ENTPD5: variants seen among roughly 807,000 people sequenced by gnomAD.
The protein encoded by ENTPD5 is ectonucleoside triphosphate diphosphohydrolase 5 (inactive).
A neutral mutation model predicts 60.2 loss-of-function variants in ENTPD5; 49 were observed. That is an observed-to-expected ratio of 0.81 (90% CI 0.65 to 1.03). ENTPD5 has a LOEUF of 1.03. Among genes scored for constraint, ENTPD5 ranks in the 50% least tolerant of loss-of-function variants. The pLI is 0.00. For missense variants in ENTPD5, 480 were observed against 507.6 expected, an observed-to-expected ratio of 0.95 and a Z score of 0.52; for synonymous variants, 187 against 185.4, an observed-to-expected ratio of 1.01 and a Z score of -0.07.
intron 3 of ENTPD5, among the ~76,000 whole-genome samples, chr14:74,004,851 G>A (rs982117073): frequency 6.6e-6 from 1 of 152,024 alleles, no homozygotes; most frequent in Non-Finnish European, 1.5e-5. Context: ...CAACCCTGAC[G>A]AACTGTAAAA....
At position 73,976,323 on chromosome 14, in the gene ENTPD5, C is replaced by T; in HGVS notation, c.642+1G>A. The T allele has an allele frequency of 6.2e-7, 1 of 1,613,708 alleles. No homozygotes were observed. Among genetic ancestry groups the T allele is most frequent in the Non-Finnish European group, 8.5e-7 (1 of 1,179,612 alleles). On this transcript the variant is annotated splice_donor_variant, in intron 9 of 15. Transcript: ENST00000334696. LOFTEE classifies it high-confidence loss of function. The stretch of plus-strand genomic sequence containing the variant: ...AACCAGATCTTCATTAAATGACTCA[C>T]CTCAAACTGGGGCAGGAACGTGATT...
At position 73,983,839 on chromosome 14, in the gene ENTPD5, T is replaced by C. The variant is rs371079660; in HGVS notation, c.298-678A>G. On this transcript the variant is annotated intron_variant, in intron 5 of 15. Transcript: ENST00000334696. ...CCAAGTAGCTGGGATTACAGGCATA[T>C]GCCACCACACCCAGATAATTTTTGT... 1.1e-4 allele frequency among the ~76,000 whole-genome samples: 17 copies of C among 148,894 alleles called. No individual in the cohort carries two copies. The East Asian group carries it at 2.9e-3, about 25-fold the overall frequency.
chr14:73,978,617 A>AAACAT (rs1015846728), intron 6 of ENTPD5, among the ~76,000 whole-genome samples: 1 of 151,046 alleles, frequency 6.6e-6, no homozygotes, highest in Non-Finnish European at 1.5e-5. Context: ...AAACAAAACA[A>AAACAT]AACAAAACGC....
intron 3 of ENTPD5, among the ~76,000 whole-genome samples, chr14:74,005,972 T>C (rs1269638051): frequency 6.6e-6 from 1 of 152,104 alleles, no homozygotes; most frequent in East Asian, 1.9e-4. Flanking sequence ...TTTCTAAAGG[T>C]GAAAAGAAAT....
chr14:73,972,944 T>G lies in ENTPD5; in HGVS notation c.967A>C (p.Arg323=), dbSNP rs780753605. The G allele has an allele frequency of 4.3e-6, 7 of 1,614,198 alleles. No individual in the cohort carries two copies. The highest frequency in any genetic ancestry group is 5.1e-6 in the Non-Finnish European group (6 of 1,180,034). ...GKLHQPEEVQ[R]GSFYAFSYYY... ...TAAGAGAAAGCATAGAAGGAACCTC[T>G]CTGGACCTCCTCTGGCTGGTGAAGT... Residue 323 remains arginine (R), a synonymous_variant, in exon 13 of 16, where the codon AGA becomes CGA. Coordinates refer to ENST00000334696, the MANE Select transcript of ENTPD5 (RefSeq NM_001249.5).
chr14:73,999,490 A>AC (rs957448416), intron 3 of ENTPD5, among the ~76,000 whole-genome samples: 5 of 144,072 alleles, frequency 3.5e-5, no homozygotes, highest in African/African-American at 1.3e-4. Flanking sequence ...TCTGCCCCCC[A>AC]CCCCCCCAAA....
rs1566714469 is a variant in ENTPD5, at chr14:73,972,993, T to A, written c.918A>T (p.Glu306Asp). Residue 306 changes from glutamate (E) to aspartate (D), a missense_variant, in exon 13 of 16, where the codon GAA (glutamate) becomes GAT (aspartate). By Grantham distance (45) the Glu-to-Asp change is conservative. Transcript: ENST00000334696. ...GEVGFEPCYA[E>D]VLRVVRGKLH... ...GTTTTCCTCGTACCACCCTCAGCAC[T>A]TCGGCATAGCAGGGCTCAAAGCCCA... 1 of 1,614,182 alleles carries A rather than the reference T, an allele frequency of 6.2e-7. No homozygotes were observed. Among genetic ancestry groups the A allele is most frequent in the Non-Finnish European group, 8.5e-7 (1 of 1,180,030 alleles).
chr14:73,956,088 G>C (rs1391800009), downstream of ENTPD5: 1 of 947,010 alleles, frequency 1.1e-6, no homozygotes, highest in African/African-American at 1.6e-5. Flanking sequence ...ACTTTTGGAG[G>C]CTAAGGCGGG....
intron 3 of ENTPD5, among the ~76,000 whole-genome samples, chr14:74,000,790 A>AC (rs1272595230): frequency 6.6e-6 from 1 of 152,108 alleles, no homozygotes; most frequent in Non-Finnish European, 1.5e-5. Flanking sequence ...AACAACAACA[A>AC]AAAAAATGAA....
At chr14:73,989,810 G>C (rs1473405851) in intron 3 of ENTPD5, among the ~76,000 whole-genome samples, 1 of 136,384 alleles carries the variant, frequency 7.3e-6, no homozygotes, top group Admixed American at 8.3e-5. Flanking sequence ...TCCAGCCTGG[G>C]CGACACAGCA....
At chr14:73,980,590 C>A (rs1037280310) in intron 6 of ENTPD5, among the ~76,000 whole-genome samples, 1 of 151,992 alleles carries the variant, frequency 6.6e-6, no homozygotes, top group Admixed American at 6.6e-5. Context: ...AAATAGGGGT[C>A]TTGCTTTGTT....
At chr14:73,973,747 G>T in intron 12 of ENTPD5, 130 bp downstream of exon 12, 1 of 733,962 alleles carries the variant, frequency 1.4e-6, no homozygotes, top group Non-Finnish European at 2.3e-6. Flanking sequence ...TTGGAGGCAT[G>T]CCAAGATCTT....
chr14:73,961,912 T>C (rs2056755538), downstream of ENTPD5: 2 of 1,613,988 alleles, frequency 1.2e-6, no homozygotes, highest in South Asian at 1.1e-5. Context: ...AAGTAAGAGG[T>C]TGCTCAGAGG....
intron 3 of ENTPD5, among the ~76,000 whole-genome samples, chr14:73,992,622 T>C (rs1342767749): frequency 6.8e-6 from 1 of 146,352 alleles, no homozygotes; most frequent in Non-Finnish European, 1.5e-5. Flanking sequence ...AGGCAAAGGC[T>C]GCAGCAAGCG....
In ENTPD5 at chr14:74,007,003, AAATC is replaced by A. The variant is rs527836339; in HGVS notation, c.-71+4084_-71+4087del. 1.4e-3 allele frequency among the ~76,000 whole-genome samples: 209 copies of A among 152,360 alleles called. 1 individual carries two copies. The highest frequency in any genetic ancestry group is 4.8e-3 in the African/African-American group (200 of 41,584). On this transcript the variant is annotated intron_variant, in intron 3 of 15. Coordinates refer to ENST00000334696, the MANE Select transcript of ENTPD5 (RefSeq NM_001249.5). ...AATAATAAATCTGAAATTAAACACT[AAATC>A]AACAAAGATACAGAATGAAAGAAAA...
chr14:73,958,590 T>C (rs1314439150), downstream of ENTPD5: 7 of 1,289,066 alleles, frequency 5.4e-6, no homozygotes, highest in Admixed American at 1.7e-4. Context: ...CTCTTGCCTC[T>C]CATTTTTCTC....
chr14:74,011,588 G>T (rs2058846734), intron 2 of ENTPD5, among the ~76,000 whole-genome samples: 2 of 152,062 alleles, frequency 1.3e-5, no homozygotes, highest in African/African-American at 2.4e-5. Context: ...CTTGAGCTCA[G>T]GAGTTTGTGA....
chr14:74,001,807 G>A (rs576622883), intron 3 of ENTPD5, among the ~76,000 whole-genome samples: 2 of 151,452 alleles, frequency 1.3e-5, no homozygotes, highest in African/African-American at 4.9e-5. Context: ...GTGATTGCAC[G>A]GCACCACTGT....
intron 15 of ENTPD5, among the ~76,000 whole-genome samples, chr14:73,969,770 T>G (rs1040603392): frequency 2.6e-5 from 4 of 152,162 alleles, no homozygotes; most frequent in African/African-American, 7.2e-5. Context: ...TAATTTGGGC[T>G]GCTAGTCTTT....
Sources: gnomAD v4.1 joint callset for allele counts (sites outside exome capture counted in the v4.1 genomes callset) on GRCh38, gnomAD v4.1.1 for gene constraint, MANE v1.5 for transcripts, NCBI Gene and HGNC (gene_info 2026-07-23, HGNC 2026-07-21) for gene names.